Variants in DPP10 observed in about 807,000 individuals in gnomAD.
The protein encoded by DPP10 is inactive dipeptidyl peptidase 10.
A neutral mutation model predicts 120.9 loss-of-function variants in DPP10; 33 were observed. The observed-to-expected ratio is 0.27, with a 90% CI of 0.21 to 0.37. DPP10 has a LOEUF of 0.37. Ranked by LOEUF, DPP10 falls within the 10% of genes least tolerant of loss-of-function variation. The pLI is 1.00. For missense variants in DPP10, 816 were observed against 942.8 expected (o/e 0.87, Z 1.76); for synonymous variants, 337 against 326.1 (o/e 1.03, Z -0.36).
At chr2:115,715,459 A>G (rs1456073792) in intron 7 of DPP10, among the ~76,000 whole-genome samples, 1 of 152,014 alleles carries the variant, frequency 6.6e-6, no homozygotes, top group Non-Finnish European at 1.5e-5. Flanking sequence ...CCATCTCTCA[A>G]CCAGATTCAG....
intron 1 of DPP10, among the ~76,000 whole-genome samples, chr2:114,918,255 T>A (rs777513027): frequency 7.2e-5 from 11 of 152,118 alleles, no homozygotes; most frequent in Non-Finnish European, 1.5e-4. Flanking sequence ...TGAAATACCA[T>A]CACACACCAG....
chr2:115,730,886 T>G (rs1202982119), intron 8 of DPP10, among the ~76,000 whole-genome samples: 1 of 152,158 alleles, frequency 6.6e-6, no homozygotes, highest in Non-Finnish European at 1.5e-5. Context: ...TGTACGTGTA[T>G]GTGATTTAAT....
At chr2:114,512,886 C>G (rs992594972) in intron 1 of DPP10, among the ~76,000 whole-genome samples, 22 of 152,168 alleles carry the variant, frequency 1.4e-4, no homozygotes, top group African/African-American at 5.1e-4. Context: ...TGACCAGCCT[C>G]AAACACTGCT....
chr2:115,828,551 T>A (rs1012102514), intron 21 of DPP10, among the ~76,000 whole-genome samples: 70 of 152,150 alleles, frequency 4.6e-4, no homozygotes, highest in Non-Finnish European at 7.8e-4. Flanking sequence ...ATTTTTTTTT[T>A]AAAAGCATGC....
chr2:115,216,007 A>G (rs868549092), intron 1 of DPP10, among the ~76,000 whole-genome samples: 4 of 152,170 alleles, frequency 2.6e-5, no homozygotes, highest in African/African-American at 9.6e-5. Context: ...CTGCAGCACC[A>G]TGGAGGGAAC....
intron 2 of DPP10, among the ~76,000 whole-genome samples, chr2:115,336,255 T>C (rs1027407913): frequency 5.9e-5 from 9 of 152,178 alleles, no homozygotes; most frequent in African/African-American, 2.2e-4. Context: ...GTCTATGATC[T>C]TAAAGGACCA....
intron 1 of DPP10, among the ~76,000 whole-genome samples, chr2:114,600,944 CA>C (rs1692312882): frequency 6.6e-6 from 1 of 151,766 alleles, no homozygotes; most frequent in Admixed American, 6.6e-5. Context: ...GAAACAGGAA[CA>C]CTTTAAAAGA....
intron 1 of DPP10, among the ~76,000 whole-genome samples, chr2:115,280,644 G>T (rs1177775048): frequency 6.6e-6 from 1 of 152,182 alleles, no homozygotes; most frequent in African/African-American, 2.4e-5. Flanking sequence ...CTCTGTTGAA[G>T]ATTTCTTGAG....
At chr2:114,654,636 A>G (rs984039330) in intron 1 of DPP10, among the ~76,000 whole-genome samples, 2 of 152,214 alleles carry the variant, frequency 1.3e-5, no homozygotes, top group African/African-American at 2.4e-5. Context: ...ATTTTCACAT[A>G]AGATTATGAC....
intron 1 of DPP10, among the ~76,000 whole-genome samples, chr2:115,293,877 A>C (rs1269127798): frequency 6.6e-6 from 1 of 152,144 alleles, no homozygotes; most frequent in Admixed American, 6.6e-5. Context: ...AACTAAGGCT[A>C]TAAAGAAGTA....
chr2:115,066,319 G>A (rs1706833588), intron 1 of DPP10, among the ~76,000 whole-genome samples: 1 of 152,026 alleles, frequency 6.6e-6, no homozygotes, highest in Non-Finnish European at 1.5e-5. Context: ...ATGCCTGCAT[G>A]TGTAGGCACT....
chr2:115,309,948 A>AT (rs2061514144), intron 2 of DPP10, among the ~76,000 whole-genome samples: 1 of 152,120 alleles, frequency 6.6e-6, no homozygotes, highest in Non-Finnish European at 1.5e-5. Context: ...TTTAATACTA[A>AT]TATGGAAATT....
At chr2:115,453,004 AAAATCC>A (rs2073235563) in intron 3 of DPP10, among the ~76,000 whole-genome samples, 2 of 151,816 alleles carry the variant, frequency 1.3e-5, no homozygotes, top group South Asian at 4.1e-4. Context: ...TATTTATTTT[AAAATCC>A]ATAATTAGGC....
chr2:115,402,889 GTGTA>G (rs1387157590), intron 3 of DPP10, among the ~76,000 whole-genome samples: 28 of 137,538 alleles, frequency 2.0e-4, no homozygotes, highest in African/African-American at 6.1e-4. Flanking sequence ...GTGTGTGTGT[GTGTA>G]TATATATATG....
intron 7 of DPP10, among the ~76,000 whole-genome samples, chr2:115,691,295 G>GATGAAATCTTTACAATGAAATCATTACA (rs1477487964): frequency 1.2e-4 from 18 of 151,760 alleles, no homozygotes; most frequent in Admixed American, 2.6e-4. Flanking sequence ...TTTTGTTATT[G>GATGAAATCTTTACAATGAAATCATTACA]ATGAAATCTT....
chr2:115,622,025 T>C (rs1404920311), intron 5 of DPP10, among the ~76,000 whole-genome samples: 2 of 152,212 alleles, frequency 1.3e-5, no homozygotes, highest in Non-Finnish European at 2.9e-5. Context: ...ATTTACCTGC[T>C]ATAAAGTTAC....
chr2:114,587,748 G>A (rs1691123596), intron 1 of DPP10, among the ~76,000 whole-genome samples: 1 of 152,142 alleles, frequency 6.6e-6, no homozygotes, highest in Non-Finnish European at 1.5e-5. Context: ...TTGCAATTTA[G>A]AGACATAATT....
chr2:114,660,031 TA>T (rs1697275281), intron 1 of DPP10, among the ~76,000 whole-genome samples: 2 of 152,152 alleles, frequency 1.3e-5, no homozygotes, highest in African/African-American at 4.8e-5. Context: ...TGTGAGAGAA[TA>T]AATGTATGTG....
intron 1 of DPP10, among the ~76,000 whole-genome samples, chr2:114,698,336 T>G (rs1037713072): frequency 3.9e-5 from 6 of 152,038 alleles, no homozygotes; most frequent in Non-Finnish European, 8.8e-5. Flanking sequence ...GAAGTGGATG[T>G]TTCAGTGTCA....
Sources: gnomAD v4.1 joint callset for allele counts (sites outside exome capture counted in the v4.1 genomes callset) on GRCh38, gnomAD v4.1.1 for gene constraint, MANE v1.5 for transcripts, NCBI Gene and HGNC (gene_info 2026-07-23, HGNC 2026-07-21) for gene names.